The following LAMA4 variants were observed in gnomAD, a reference collection of about 807,000 sequenced individuals.
The protein encoded by LAMA4 is laminin subunit alpha 4, also known as laminin subunit alpha-4.
In LAMA4, 127 loss-of-function variants were observed where a neutral mutation model predicts 207.1. The ratio of observed to expected loss-of-function variants is 0.61; its 90% CI spans 0.53 to 0.71. The LOEUF is 0.71. LAMA4 is among the 30% of genes least tolerant of loss of function. LAMA4 has a pLI of 0.00. For synonymous variants in LAMA4, 761 were observed against 816.0 expected (o/e 0.93, Z 1.15); for missense variants, 2,093 against 2,246.5 (o/e 0.93, Z 1.38).
In LAMA4 at chr6:112,117,554, A is replaced by G. The variant is rs905938016; in HGVS notation, c.4981+185T>C. On this transcript the variant is annotated intron_variant, in intron 35 of 38. Coordinates refer to ENST00000230538, the MANE Select transcript of LAMA4 (RefSeq NM_001105206.3). The surrounding 1 kb of genome is among the most constrained non-coding windows in gnomAD (Gnocchi z 4.5). ...AGAAGCCTGGTCAGGGAGAGTATAC[A>G]GGGATGGGGACTGCATGTATGGTTT... Among the ~76,000 whole-genome samples the G allele has an allele frequency of 6.6e-6, 1 of 152,104 alleles. No individual in the cohort carries two copies. Among genetic ancestry groups the G allele is most frequent in the Non-Finnish European group, 1.5e-5 (1 of 67,990 alleles).
In LAMA4 at chr6:112,191,719, C is replaced by T; in HGVS notation, c.635G>A (p.Cys212Tyr). 6.2e-7 allele frequency: 1 copy of T among 1,614,090 alleles called. No individual in the cohort carries two copies. Among genetic ancestry groups the T allele is most frequent in the East Asian group, 2.2e-5 (1 of 44,848 alleles). The change falls in exon 6 of 39, where the codon TGC (cysteine) becomes TAC (tyrosine). Residue 212 changes from cysteine to tyrosine, a missense_variant. Cys to Tyr is a radical substitution (Grantham distance 194). Transcript: ENST00000230538. ...CDEVTGQCRNCLRNTTGFKCE... is the reference protein window; with the variant it reads ...CDEVTGQCRNYLRNTTGFKCE... Reference sequence around the variant, plus strand: ...CTTGAATCCGGTGGTGTTGCGTAAGCAATTCCTACACTGGCCAGTGACTTC... The same window carrying T: ...CTTGAATCCGGTGGTGTTGCGTAAGTAATTCCTACACTGGCCAGTGACTTC...
intron 9 of LAMA4, chr6:112,178,962 G>A (rs1782185589): frequency 6.6e-6 from 1 of 152,304 alleles, no homozygotes; most frequent in African/African-American, 2.4e-5. Context: ...GCTTCCAGTG[G>A]CTCCTGGGTG....
chr6:112,243,466 A>G (rs1161075428), intron 2 of LAMA4, among the ~76,000 whole-genome samples: 1 of 152,280 alleles, frequency 6.6e-6, no homozygotes, highest in Admixed American at 6.5e-5. Context: ...AGAAGTAATC[A>G]GTTTTAATTT....
intron 25 of LAMA4, among the ~76,000 whole-genome samples, chr6:112,134,839 G>A (rs782665324): frequency 2.6e-5 from 4 of 152,162 alleles, no homozygotes; most frequent in Admixed American, 1.3e-4. Flanking sequence ...GTATGAAGAG[G>A]AGCCAGCCCA....
chr6:112,227,321 G>A (rs1025779016), intron 2 of LAMA4, among the ~76,000 whole-genome samples: 34 of 152,044 alleles, frequency 2.2e-4, no homozygotes, highest in African/African-American at 7.0e-4. Flanking sequence ...CACCCGCCTC[G>A]GCCTCCCAAA....
chr6:112,235,575 G>A (rs1474902384), intron 2 of LAMA4, among the ~76,000 whole-genome samples: 1 of 152,168 alleles, frequency 6.6e-6, no homozygotes, highest in Non-Finnish European at 1.5e-5. Flanking sequence ...AAACCTGACC[G>A]ATCACTGTGT....
Position 112,134,510 on chromosome 6 carries a change from C to G in LAMA4, c.3514G>C (p.Asp1172His), listed in dbSNP as rs1210063833. 1.2e-6 allele frequency: 2 copies of G among 1,613,198 alleles called. No homozygotes were observed. Among genetic ancestry groups the G allele is most frequent in the East Asian group, 4.5e-5 (2 of 44,876 alleles). The change falls in exon 26 of 39, where the codon GAT (aspartate) becomes CAT (histidine). Residue 1172 changes from aspartate (D) to histidine (H), a missense_variant. Coordinates refer to ENST00000230538, the MANE Select transcript of LAMA4 (RefSeq NM_001105206.3). ...DNEKMKIPFT[D>H]IYIGGAPPEI... ...GGAGGAGCTCCTCCAATGTATATAT[C>G]TGTAAAAGGTATTTTCATCTTTTCA...
chr6:112,184,414 G>A (rs1183784552), intron 9 of LAMA4, among the ~76,000 whole-genome samples: 1 of 151,990 alleles, frequency 6.6e-6, no homozygotes, highest in Non-Finnish European at 1.5e-5. Context: ...GCACATGGAT[G>A]GATGTTTTTC....
chr6:112,139,854 A>C lies in LAMA4; in HGVS notation c.3008T>G (p.Val1003Gly). The C allele has an allele frequency of 6.2e-7, 1 of 1,614,134 alleles. No homozygotes were observed. Among genetic ancestry groups the C allele is most frequent in the Non-Finnish European group, 8.5e-7 (1 of 1,179,986 alleles). ...LPTSLNLPGFVGCLELATLNN... is the reference protein window; with the variant it reads ...LPTSLNLPGFGGCLELATLNN... Reference sequence around the variant, plus strand: ...CAAAGTGGCCAGTTCCAGGCAGCCAACAAAGCCAGGCAGGTTTAAGCTGGT... The same window carrying C: ...CAAAGTGGCCAGTTCCAGGCAGCCACCAAAGCCAGGCAGGTTTAAGCTGGT... Residue 1003 changes from valine (V) to glycine (G), a missense_variant, in exon 23 of 39, where the codon GTT (valine) becomes GGT (glycine). Val to Gly is a moderately radical substitution (Grantham distance 109). Around this residue, in one of 3 missense-constraint regions of LAMA4, gnomAD observed 1,704 missense variants for 1,788.4 expected, o/e 0.95. Transcript: ENST00000230538.
chr6:112,150,226 C>CACACACACAG (rs1338914580), intron 17 of LAMA4, among the ~76,000 whole-genome samples: 2 of 147,266 alleles, frequency 1.4e-5, no homozygotes, highest in East Asian at 1.9e-4. Flanking sequence ...CACACACACA[C>CACACACACAG]ACACACACAG....
Position 112,155,192 on chromosome 6 carries a change from C to T in LAMA4, c.1960-245G>A, listed in dbSNP as rs1476868816. The T allele has an allele frequency of 1.4e-5, 8 of 591,194 alleles. No homozygotes were observed. In the East Asian group the frequency reaches 2.3e-4, roughly 17 times the overall value. 36.6% of individuals were successfully genotyped at this position (591,194 alleles called of 1,614,324 possible). A position where few individuals can be genotyped will look rare whatever the true frequency, so the allele number is the denominator to read the frequency against. On this transcript the variant is annotated intron_variant, in intron 15 of 38. Coordinates refer to ENST00000230538, the MANE Select transcript of LAMA4 (RefSeq NM_001105206.3). Reference sequence around the variant, plus strand: ...CTAGAACAAAGCCCTGGCCAAGGCCCCACCAAAGTGCTTGCCACATAGAAG... The same window carrying T: ...CTAGAACAAAGCCCTGGCCAAGGCCTCACCAAAGTGCTTGCCACATAGAAG...
At chr6:112,200,261 G>A (rs1306071826) in intron 5 of LAMA4, 8 of 461,088 alleles carry the variant, frequency 1.7e-5, no homozygotes, top group South Asian at 9.9e-5. Context: ...CATTTATGTG[G>A]CCAACAAACA....
intron 29 of LAMA4, 53 bp from the exon 30 acceptor site, chr6:112,130,093 AC>A: frequency 6.7e-7 from 1 of 1,503,246 alleles, no homozygotes. Context: ...TTTTACCTTG[AC>A]CCACTCTAGG....
At chr6:112,220,719 C>T (rs560611149) in intron 2 of LAMA4, among the ~76,000 whole-genome samples, 1 of 152,114 alleles carries the variant, frequency 6.6e-6, no homozygotes, top group African/African-American at 2.4e-5. Context: ...GTCATACCAA[C>T]AATACTGTCA....
At chr6:112,112,166 A>G (rs1230892187) in intron 38 of LAMA4, among the ~76,000 whole-genome samples, 1 of 151,948 alleles carries the variant, frequency 6.6e-6, no homozygotes, top group Non-Finnish European at 1.5e-5. Flanking sequence ...TCCTAGGGGG[A>G]AAGGGGCGTG....
At chr6:112,137,008 G>C (rs1044321680) in intron 24 of LAMA4, among the ~76,000 whole-genome samples, 108 of 152,222 alleles carry the variant, frequency 7.1e-4, no homozygotes, top group African/African-American at 2.5e-3. Context: ...ATACTGAAAA[G>C]AATTCTTCCA....
chr6:112,202,209 G>A (rs1419592058), intron 4 of LAMA4, among the ~76,000 whole-genome samples: 1 of 152,150 alleles, frequency 6.6e-6, no homozygotes, highest in Non-Finnish European at 1.5e-5. Flanking sequence ...GTCAAGTACT[G>A]CAGCAAAACA....
At chr6:112,153,694 G>A (rs1190664660) in intron 16 of LAMA4, among the ~76,000 whole-genome samples, 2 of 151,982 alleles carry the variant, frequency 1.3e-5, no homozygotes, top group East Asian at 3.9e-4. Flanking sequence ...CATAGATATA[G>A]CAACATTTAT....
At chr6:112,147,016 A>G (rs1333100159) in intron 18 of LAMA4, among the ~76,000 whole-genome samples, 4 of 152,228 alleles carry the variant, frequency 2.6e-5, no homozygotes, top group African/African-American at 9.6e-5. Flanking sequence ...GAGTACTTAT[A>G]AAGTGTCTTA....
Sources: allele counts gnomAD v4.1 joint callset (sites outside exome capture counted in the v4.1 genomes callset), GRCh38; gene constraint gnomAD v4.1.1; regional missense constraint gnomAD v4.1.1; non-coding constraint Gnocchi (gnomAD v3.1); transcripts MANE v1.5; gene names NCBI Gene and HGNC (gene_info 2026-07-23, HGNC 2026-07-21).